Variants in ITGA4 observed in about 807,000 individuals in gnomAD.
ITGA4 encodes the protein integrin subunit alpha 4.
ITGA4 carries 63 observed loss-of-function variants against 133.6 expected under a neutral mutation model. The ratio of observed to expected loss-of-function variants is 0.47; its 90% CI spans 0.38 to 0.58. The LOEUF (loss-of-function observed/expected upper bound fraction) is 0.58. Ranked by LOEUF, ITGA4 falls within the 20% of genes least tolerant of loss-of-function variation. The pLI, the probability that ITGA4 is intolerant of heterozygous loss-of-function variation, is 0.00. For missense variants in ITGA4, 1,076 were observed against 1,252.7 expected (o/e 0.86, Z 2.13); for synonymous variants, 483 against 438.0 (o/e 1.10, Z -1.28).
chr2:181,505,875 G>A (rs1686382484), intron 15 of ITGA4, among the ~76,000 whole-genome samples: 1 of 152,054 alleles, frequency 6.6e-6, no homozygotes, highest in African/African-American at 2.4e-5. Flanking sequence ...ACAATCAGTG[G>A]CTGTCTAGCT....
At chr2:181,524,946 T>C (rs142928630) in intron 20 of ITGA4, among the ~76,000 whole-genome samples, 1 of 148,560 alleles carries the variant, frequency 6.7e-6, no homozygotes, top group African/African-American at 2.5e-5. Flanking sequence ...ATCTAATAAA[T>C]GTAACTATTT....
chr2:181,531,756 C>A lies in ITGA4; in HGVS notation c.2764C>A (p.Arg922=), dbSNP rs202221707. 6.3e-7 allele frequency: 1 copy of A among 1,596,332 alleles called. No homozygotes were observed. The highest frequency in any genetic ancestry group is 8.5e-7 in the Non-Finnish European group (1 of 1,173,386). ...CAGTGTTCATATCCAACTGGAAGGCCGGCCATCCATTTTAGAAATGGTAAG... is the reference window on the plus strand; with the variant it reads ...CAGTGTTCATATCCAACTGGAAGGCAGGCCATCCATTTTAGAAATGGTAAG... The part of the protein sequence containing the change: ...EASVHIQLEG[R]PSILEMDETS... The change falls in exon 25 of 28, where the codon CGG becomes AGG. Residue 922 remains arginine (R), a synonymous_variant. Transcript: ENST00000397033.
At chr2:181,518,233 C>A (rs753116058) in intron 17 of ITGA4, among the ~76,000 whole-genome samples, 1 of 152,078 alleles carries the variant, frequency 6.6e-6, no homozygotes, top group African/African-American at 2.4e-5. Context: ...CTCCACCCTG[C>A]AGTGATACCC....
chr2:181,475,405 A>G, intron 4 of ITGA4, 117 bp downstream of exon 4: 1 of 812,256 alleles, frequency 1.2e-6, no homozygotes, highest in Admixed American at 2.6e-5. Context: ...CTAAGTAATT[A>G]TGTTCTTTTT....
chr2:181,503,216 A>G lies in ITGA4; in HGVS notation c.1695+4439A>G, dbSNP rs374084803. On this transcript the variant is annotated intron_variant, in intron 15 of 27. Transcript: ENST00000397033. ...TATGCAAACAAAAGCCTTTAAATTT[A>G]CTTACAAAATCCATTGTGTTCTTTG... Among the ~76,000 whole-genome samples, 5 of 152,156 alleles carry G rather than the reference A, an allele frequency of 3.3e-5. No homozygotes were observed. In the East Asian group the frequency reaches 7.7e-4, roughly 23 times the overall value.
At chr2:181,458,133 G>A in intron 1 of ITGA4, 63 bp from the exon 2 acceptor site, 2 of 1,606,988 alleles carry the variant, frequency 1.2e-6, no homozygotes, top group East Asian at 2.2e-5. Context: ...CATCTGTGGC[G>A]ACAGGGAGCT....
intron 17 of ITGA4, among the ~76,000 whole-genome samples, chr2:181,520,972 CT>C (rs1686706906): frequency 6.6e-6 from 1 of 152,172 alleles, no homozygotes; most frequent in South Asian, 2.1e-4. Context: ...TAAATTCCTA[CT>C]GTATCTTTAG....
At chr2:181,478,150 C>G (rs959081912) in intron 4 of ITGA4, among the ~76,000 whole-genome samples, 1 of 151,968 alleles carries the variant, frequency 6.6e-6, no homozygotes, top group African/African-American at 2.4e-5. Context: ...ATGATCTCAC[C>G]TATCTGTGGA....
intron 17 of ITGA4, among the ~76,000 whole-genome samples, chr2:181,518,675 C>A (rs187302637): frequency 3.9e-5 from 6 of 152,128 alleles, no homozygotes; most frequent in African/African-American, 1.4e-4. Context: ...CACTGCAGTG[C>A]AAAAGCATGT....
Position 181,537,220 on chromosome 2 carries a change from TCTCCAGGATG to T in ITGA4, c.*1694_*1703del, listed in dbSNP as rs1378848654. 7.3e-5 allele frequency: 33 copies of T among 453,840 alleles called. No homozygotes were observed. Among genetic ancestry groups the T allele is most frequent in the African/African-American group, 6.0e-4 (30 of 49,998 alleles). The allele number at this position is 453,840 out of a possible 1,614,324, so 28.1% of individuals were successfully genotyped here. On this transcript the variant is annotated 3_prime_UTR_variant, in exon 28 of 28. Transcript: ENST00000397033. ...ATCAAGCCCCGATTTAGAACTGTCTTCTCCAGGATGGTCTCTAAGGAAATTTACATTTGGT... is the reference window on the plus strand; with the variant it reads ...ATCAAGCCCCGATTTAGAACTGTCTTGTCTCTAAGGAAATTTACATTTGGT...
At chr2:181,511,579 G>A in intron 16 of ITGA4, 120 bp from the exon 17 acceptor site, 1 of 577,054 alleles carries the variant, frequency 1.7e-6, no homozygotes, top group Non-Finnish European at 3.1e-6. Flanking sequence ...ATAAAGAGTT[G>A]TCAATTTGAT....
chr2:181,457,673 C>G lies in ITGA4; in HGVS notation c.19C>G (p.Arg7Gly), dbSNP rs1360518552. The G allele has an allele frequency of 3.7e-6, 6 of 1,610,470 alleles. No homozygotes were observed. Among genetic ancestry groups the G allele is most frequent in the Non-Finnish European group, 5.1e-6 (6 of 1,179,286 alleles). Residue 7 changes from arginine to glycine, a missense_variant, in exon 1 of 28, where the codon CGC (arginine) becomes GGC (glycine). By Grantham distance (125) the Arg-to-Gly change is moderately radical. Around this residue, in one of 4 missense-constraint regions of ITGA4, gnomAD observed 82 missense variants for 68.3 expected, o/e 1.20. Transcript: ENST00000397033. Reference sequence around the variant, plus strand: ...AGAGCGCATGGCTTGGGAAGCGAGGCGCGAACCCGGCCCCCGAAGGGCCGC... The same window carrying G: ...AGAGCGCATGGCTTGGGAAGCGAGGGGCGAACCCGGCCCCCGAAGGGCCGC... MAWEAR[R>G]EPGPRRAAVR...
rs550273752 is a variant in ITGA4 at position 181,520,740 on chromosome 2, T to C, written c.1923-1451T>C. ...CACAACACTTGCCCGTTTGTGTATC[T>C]TTTTTACATTTATTTACACATCTGT... On this transcript the variant is annotated intron_variant, in intron 17 of 27. Transcript: ENST00000397033. 1.8e-4 allele frequency among the ~76,000 whole-genome samples: 28 copies of C among 152,282 alleles called. No homozygotes were observed. In the South Asian group the frequency reaches 5.2e-3, roughly 28 times the overall value.
In ITGA4 at chr2:181,534,281, TCAG is replaced by T. The variant is rs775316488; in HGVS notation, c.2797_2799del (p.Ala933del). The T allele has an allele frequency of 1.9e-6, 3 of 1,598,312 alleles. No individual in the cohort carries two copies. The South Asian group carries it at 3.3e-5, about 18-fold the overall frequency. On this transcript the variant is annotated inframe_deletion, in exon 26 of 28. Coordinates refer to ENST00000397033, the MANE Select transcript of ITGA4 (RefSeq NM_000885.6). ...TTCTTTTATTAAACAGGATGAGACT[TCAG>T]CACTCAAGTTTGAAATAAGAGCAAC...
intron 17 of ITGA4, among the ~76,000 whole-genome samples, chr2:181,511,984 A>T (rs940629541): frequency 4.6e-5 from 7 of 152,104 alleles, no homozygotes; most frequent in African/African-American, 1.4e-4. Context: ...GACAAATTTA[A>T]AAAGGAATAA....
rs1206735685 is a variant in ITGA4 at position 181,523,505 on chromosome 2, C to A, written c.2142C>A (p.Gly714=). The A allele has an allele frequency of 6.3e-7, 1 of 1,596,654 alleles. No homozygotes were observed. Among genetic ancestry groups the A allele is most frequent in the South Asian group, 1.1e-5 (1 of 90,712 alleles). ...TGGTACAACTTGACTGCAGTATTGG[C>A]TATATATATGTAGATCATCTCTCAA... ...SGVVQLDCSI[G]YIYVDHLSRI... is the part of the protein sequence containing the mutation. The change falls in exon 19 of 28, where the codon GGC becomes GGA. Residue 714 remains glycine (G), a synonymous_variant. Coordinates refer to ENST00000397033, the MANE Select transcript of ITGA4 (RefSeq NM_000885.6). The surrounding 1 kb of genome is among the most constrained non-coding windows in gnomAD (Gnocchi z 4.2).
chr2:181,521,827 C>T (rs1686726431), intron 17 of ITGA4, among the ~76,000 whole-genome samples: 1 of 152,054 alleles, frequency 6.6e-6, no homozygotes, highest in Non-Finnish European at 1.5e-5. Context: ...CTATTTTAGG[C>T]TTGCAAGAAA....
At chr2:181,468,374 G>A (rs1376238889) in intron 2 of ITGA4, among the ~76,000 whole-genome samples, 1 of 152,176 alleles carries the variant, frequency 6.6e-6, no homozygotes, top group Non-Finnish European at 1.5e-5. Flanking sequence ...TAATTATGCA[G>A]TAGTACATTC....
At chr2:181,463,400 A>G (rs1685334739) in intron 2 of ITGA4, among the ~76,000 whole-genome samples, 1 of 152,116 alleles carries the variant, frequency 6.6e-6, no homozygotes, top group South Asian at 2.1e-4. Flanking sequence ...TCAAGACTGA[A>G]GGCAATGAGG....
Sources: gnomAD v4.1 joint callset for allele counts (sites outside exome capture counted in the v4.1 genomes callset) on GRCh38, gnomAD v4.1.1 for gene constraint, gnomAD v4.1.1 regional missense constraint, Gnocchi (gnomAD v3.1) non-coding constraint, MANE v1.5 for transcripts, NCBI Gene and HGNC (gene_info 2026-07-23, HGNC 2026-07-21) for gene names.